Variants in TBC1D9 observed in about 807,000 individuals in gnomAD.
TBC1D9 encodes the protein TBC1 domain family member 9A.
TBC1D9 carries 63 observed loss-of-function variants against 132.0 expected under a neutral mutation model. That is an observed-to-expected ratio of 0.48 (90% confidence interval 0.39 to 0.59). TBC1D9 has a LOEUF of 0.59. Among genes scored for constraint, TBC1D9 ranks in the 20% least tolerant of loss-of-function variants. The pLI, the probability that TBC1D9 is intolerant of heterozygous loss-of-function variation, is 0.00. For missense variants in TBC1D9, 1,261 were observed against 1,592.7 expected (o/e 0.79, Z 3.54); for synonymous variants, 610 against 609.9 (o/e 1.00, Z 0.00).
intron 4 of TBC1D9, among the ~76,000 whole-genome samples, 185 bp downstream of exon 4, chr4:140,679,430 T>G (rs542363028): frequency 7.2e-5 from 11 of 152,316 alleles, no homozygotes; most frequent in African/African-American, 2.6e-4. Flanking sequence ...CTTTAGTGAA[T>G]CTTTATTACT....
intron 1 of TBC1D9, among the ~76,000 whole-genome samples, chr4:140,728,017 A>G (rs994958775): frequency 9.2e-5 from 14 of 152,324 alleles, no homozygotes; most frequent in African/African-American, 2.9e-4. Context: ...TAGAGTTTCC[A>G]TGCACATTTC....
At chr4:140,636,278 C>A (rs979587444) in intron 15 of TBC1D9, among the ~76,000 whole-genome samples, 2 of 152,192 alleles carry the variant, frequency 1.3e-5, no homozygotes, top group African/African-American at 4.8e-5. Context: ...CCTTAAGGTG[C>A]ATTCTTTAAC....
intron 13 of TBC1D9, among the ~76,000 whole-genome samples, chr4:140,655,158 A>G (rs948567784): frequency 1.6e-4 from 24 of 152,172 alleles, no homozygotes; most frequent in Non-Finnish European, 2.9e-4. Context: ...AGGGAAATGT[A>G]AAACGCTTAT....
At chr4:140,700,243 A>C (rs976316442) in intron 2 of TBC1D9, among the ~76,000 whole-genome samples, 4 of 152,098 alleles carry the variant, frequency 2.6e-5, no homozygotes, top group African/African-American at 9.7e-5. Context: ...TGAGGTCAGG[A>C]GTTCAAGACC....
Position 140,643,284 on chromosome 4 carries a change from T to G in TBC1D9, c.2338-3856A>C, listed in dbSNP as rs888539593. 4 of 1,302,890 alleles carry G rather than the reference T, an allele frequency of 3.1e-6. No homozygotes were observed. The African/African-American group carries it at 4.4e-5, about 14-fold the overall frequency. The allele number at this position is 1,302,890 out of a possible 1,614,324, so 80.7% of individuals were successfully genotyped here. On this transcript the variant is annotated intron_variant, in intron 13 of 20. Coordinates refer to ENST00000442267, the MANE Select transcript of TBC1D9 (RefSeq NM_015130.3). ...GATCTCGCTCAGCAGGGTGATGCCG[T>G]GCAGAAAGCTCTGCTCCAAGACAAG...
intron 1 of TBC1D9, among the ~76,000 whole-genome samples, chr4:140,709,056 G>C (rs759469518): frequency 1.3e-5 from 2 of 151,904 alleles, no homozygotes. Context: ...GATAAAAATG[G>C]TTCTCAACAA....
At chr4:140,648,906 C>T (rs1456029939) in intron 13 of TBC1D9, among the ~76,000 whole-genome samples, 2 of 145,332 alleles carry the variant, frequency 1.4e-5, no homozygotes, top group African/African-American at 5.4e-5. Context: ...TTTATGTTCT[C>T]TGGCTCCTCC....
chr4:140,648,060 T>G (rs945642047), intron 13 of TBC1D9, among the ~76,000 whole-genome samples: 1 of 152,160 alleles, frequency 6.6e-6, no homozygotes, highest in Non-Finnish European at 1.5e-5. Flanking sequence ...GGTGTGGATA[T>G]AATACCTTCT....
chr4:140,657,576 T>G lies in TBC1D9; in HGVS notation c.2158A>C (p.Lys720Gln). 1.2e-6 allele frequency: 2 copies of G among 1,613,992 alleles called. No homozygotes were observed. Among genetic ancestry groups the G allele is most frequent in the Non-Finnish European group, 1.7e-6 (2 of 1,179,882 alleles). Residue 720 changes from lysine to glutamine, a missense_variant, in exon 12 of 21, where the codon AAA becomes CAA. Physicochemically the swap from Lys to Gln is moderately conservative, Grantham distance 53. This residue lies in a region of TBC1D9 where 618 missense variants were observed against 724.4 expected (regional missense o/e 0.85). Transcript: ENST00000442267. ...ALAVLDANVD[K>Q]LLNCKDDGEA... ...CCATCATCCTTGCAGTTCAACAGTT[T>G]GTCCACATTTGCATCCAGCACAGCT...
At chr4:140,630,664 C>T (rs1486353175) in intron 16 of TBC1D9, among the ~76,000 whole-genome samples, 1 of 152,198 alleles carries the variant, frequency 6.6e-6, no homozygotes, top group Non-Finnish European at 1.5e-5. Context: ...GCAGCCAAAC[C>T]TGGGTTCAGT....
chr4:140,663,019 C>A (rs554274202), intron 9 of TBC1D9, among the ~76,000 whole-genome samples: 195 of 152,188 alleles, frequency 1.3e-3, no homozygotes, highest in Non-Finnish European at 2.0e-3. Context: ...GGATGTGACA[C>A]CAATAGCACG....
chr4:140,744,963 C>T (rs1738815922), intron 1 of TBC1D9, among the ~76,000 whole-genome samples: 1 of 151,508 alleles, frequency 6.6e-6, no homozygotes, highest in African/African-American at 2.4e-5. Context: ...ATTCACAACT[C>T]CTATCTTAAC....
At chr4:140,661,041 A>C (rs552978573) in intron 10 of TBC1D9, among the ~76,000 whole-genome samples, 2 of 152,106 alleles carry the variant, frequency 1.3e-5, no homozygotes, top group Non-Finnish European at 2.9e-5. Flanking sequence ...CAGCCTCCCG[A>C]GTAGCTGGGA....
chr4:140,662,353 C>G (rs1320441519), intron 9 of TBC1D9, among the ~76,000 whole-genome samples: 1 of 152,124 alleles, frequency 6.6e-6, no homozygotes, highest in African/African-American at 2.4e-5. Context: ...GTAGAGGTTC[C>G]CAAGCTACAA....
intron 13 of TBC1D9, chr4:140,643,996 G>A (rs1203887877): frequency 3.0e-5 from 16 of 534,426 alleles, no homozygotes; most frequent in African/African-American, 1.9e-5. Flanking sequence ...GGGTCCTCCC[G>A]CAGCGGCTCT....
chr4:140,723,517 A>G (rs1329399647), intron 1 of TBC1D9, among the ~76,000 whole-genome samples: 1 of 152,124 alleles, frequency 6.6e-6, no homozygotes, highest in Non-Finnish European at 1.5e-5. Context: ...TATTTTTAGT[A>G]GAGACAGGGT....
chr4:140,742,345 A>T (rs1738771558), intron 1 of TBC1D9, among the ~76,000 whole-genome samples: 1 of 152,096 alleles, frequency 6.6e-6, no homozygotes, highest in African/African-American at 2.4e-5. Flanking sequence ...CAGCCTGGCC[A>T]ATATGGTGAA....
chr4:140,706,121 C>CT lies in TBC1D9; in HGVS notation c.131-4508_131-4507insA, dbSNP rs1738146673. Among the ~76,000 whole-genome samples, 2 of 152,194 alleles carry CT rather than the reference C, an allele frequency of 1.3e-5. No homozygotes were observed. The highest frequency in any genetic ancestry group is 2.9e-5 in the Non-Finnish European group (2 of 68,038). On this transcript the variant is annotated intron_variant, in intron 1 of 20. Coordinates refer to ENST00000442267, the MANE Select transcript of TBC1D9 (RefSeq NM_015130.3). This position sits in a 1 kb window ranked among gnomAD's most constrained non-coding sequence, Gnocchi z 4.0. ...GTCCACAGTGCTGCAGAGAAACCCC[C>CT]GTCAGCCCTCTGCAGGCCGGGCTAT... is the stretch of plus-strand genomic sequence containing the variant.
At chr4:140,644,212 C>T in intron 13 of TBC1D9, 1 of 339,038 alleles carries the variant, frequency 2.9e-6, no homozygotes, top group South Asian at 3.2e-5. Context: ...GAGAACAAGG[C>T]CTGGAAAGTG....
Sources: allele counts gnomAD v4.1 joint callset (sites outside exome capture counted in the v4.1 genomes callset), GRCh38; gene constraint gnomAD v4.1.1; regional missense constraint gnomAD v4.1.1; non-coding constraint Gnocchi (gnomAD v3.1); transcripts MANE v1.5; gene names NCBI Gene and HGNC (gene_info 2026-07-23, HGNC 2026-07-21).